The following GRIK4 variants were observed in gnomAD, a reference collection of about 807,000 sequenced individuals.
The protein encoded by GRIK4 is glutamate ionotropic receptor kainate type subunit 4.
In GRIK4, 40 loss-of-function variants were observed where a neutral mutation model predicts 104.9. That is an observed-to-expected ratio of 0.38 (90% CI 0.30 to 0.50). GRIK4 has a LOEUF of 0.50. Ranked by LOEUF, GRIK4 falls within the 20% of genes least tolerant of loss-of-function variation. GRIK4 has a pLI of 0.93. For missense variants in GRIK4, 1,047 were observed against 1,308.1 expected, an observed-to-expected ratio of 0.80 and a Z score of 3.08; for synonymous variants, 485 against 524.9, an observed-to-expected ratio of 0.92 and a Z score of 1.04.
chr11:120,514,943 TCA>T (rs1417854103), intron 1 of GRIK4: 9 of 456,256 alleles, frequency 2.0e-5, no homozygotes, highest in Non-Finnish European at 3.5e-5. Flanking sequence ...GCCTCCAGCC[TCA>T]GTTTCCAGCC....
rs201882488 is a variant in GRIK4, at chr11:120,641,930, G to A, written c.-158-11755G>A. ...CTTTGGCTGATTCCAACATTGTTTG[G>A]GTCTCAAATGTTCTTTCTTCTGAGG... On this transcript the variant is annotated intron_variant, in intron 1 of 20. Coordinates refer to ENST00000527524, the MANE Select transcript of GRIK4 (RefSeq NM_014619.5). Among the ~76,000 whole-genome samples, 17 of 152,188 alleles carry A rather than the reference G, an allele frequency of 1.1e-4. No homozygotes were observed. The East Asian group carries it at 3.1e-3, about 28-fold the overall frequency.
intron 8 of GRIK4, among the ~76,000 whole-genome samples, chr11:120,856,555 G>A (rs1954109890): frequency 6.6e-6 from 1 of 152,174 alleles, no homozygotes; most frequent in South Asian, 2.1e-4. Flanking sequence ...GACTGGGTGT[G>A]GAGTTAAGAA....
chr11:120,711,235 A>G (rs1394102501), intron 3 of GRIK4, among the ~76,000 whole-genome samples: 1 of 152,222 alleles, frequency 6.6e-6, no homozygotes, highest in Non-Finnish European at 1.5e-5. Flanking sequence ...TGTTCCTTTT[A>G]AGGGCAACAG....
chr11:120,772,338 T>TACA (rs1197266523), intron 3 of GRIK4, among the ~76,000 whole-genome samples: 1 of 152,154 alleles, frequency 6.6e-6, no homozygotes, highest in African/African-American at 2.4e-5. Context: ...AGCCAGTATA[T>TACA]TAGATGTCTA....
chr11:120,633,910 T>C (rs1241121620), intron 1 of GRIK4, among the ~76,000 whole-genome samples: 1 of 152,152 alleles, frequency 6.6e-6, no homozygotes, highest in Non-Finnish European at 1.5e-5. Flanking sequence ...TCTGAGCTGA[T>C]GCAAACTGAA....
intron 7 of GRIK4, among the ~76,000 whole-genome samples, chr11:120,832,295 A>G (rs1458560374): frequency 1.3e-5 from 2 of 152,166 alleles, no homozygotes; most frequent in Non-Finnish European, 2.9e-5. Context: ...AGACCCTGCT[A>G]AGGGCTCTGT....
At chr11:120,954,104 G>A (rs562217121) in intron 15 of GRIK4, among the ~76,000 whole-genome samples, 1 of 152,094 alleles carries the variant, frequency 6.6e-6, no homozygotes, top group South Asian at 2.1e-4. Flanking sequence ...GGATGGAGCT[G>A]CCGCATGGTA....
chr11:120,580,286 A>AT (rs149309804), intron 1 of GRIK4, among the ~76,000 whole-genome samples: 10,399 of 82,474 alleles, frequency 0.13, 1,397 homozygotes, highest in African/African-American at 0.41. Context: ...TTCTTTATTT[A>AT]TTTTTTTGAG....
chr11:120,697,934 A>T (rs1591813846), intron 3 of GRIK4, among the ~76,000 whole-genome samples: 1 of 151,522 alleles, frequency 6.6e-6, no homozygotes, highest in South Asian at 2.1e-4. Context: ...ACTGCTCCTT[A>T]CCTCCTCCTG....
intron 13 of GRIK4, among the ~76,000 whole-genome samples, chr11:120,932,344 A>G (rs1471926225): frequency 1.3e-5 from 2 of 152,046 alleles, no homozygotes; most frequent in African/African-American, 4.8e-5. Context: ...AGAGGAGGAA[A>G]CAGGCGGGGA....
intron 3 of GRIK4, among the ~76,000 whole-genome samples, chr11:120,706,697 GCAGTA>G (rs1950635951): frequency 6.6e-6 from 1 of 152,200 alleles, no homozygotes. Flanking sequence ...TCTGCTGCAT[GCAGTA>G]TCAAAGCAAT....
At chr11:120,559,042 C>G (rs1302182047) in intron 1 of GRIK4, among the ~76,000 whole-genome samples, 1 of 152,176 alleles carries the variant, frequency 6.6e-6, no homozygotes, top group East Asian at 1.9e-4. Context: ...AGGACCAGGC[C>G]AAGGGAGATG....
intron 11 of GRIK4, among the ~76,000 whole-genome samples, chr11:120,882,871 A>C (rs938894877): frequency 6.6e-6 from 1 of 152,190 alleles, no homozygotes; most frequent in Non-Finnish European, 1.5e-5. Flanking sequence ...GCAATACCAG[A>C]TGCTGTGATG....
intron 6 of GRIK4, among the ~76,000 whole-genome samples, chr11:120,827,238 C>T (rs1475622232): frequency 6.6e-6 from 1 of 152,206 alleles, no homozygotes; most frequent in African/African-American, 2.4e-5. Flanking sequence ...TGTCCTGCGG[C>T]TGTGTCCACC....
chr11:120,825,519 C>T (rs978305815), intron 6 of GRIK4, among the ~76,000 whole-genome samples: 3 of 152,220 alleles, frequency 2.0e-5, no homozygotes, highest in African/African-American at 7.2e-5. Context: ...GACCTGGGAG[C>T]AAGAGTCAGC....
intron 1 of GRIK4, among the ~76,000 whole-genome samples, chr11:120,635,522 C>T (rs544053434): frequency 6.6e-6 from 1 of 152,206 alleles, no homozygotes; most frequent in African/African-American, 2.4e-5. Context: ...TGAGTTAAAG[C>T]GATTCTGCTT....
At chr11:120,847,087 GCTAATGT>G (rs1261638957) in intron 8 of GRIK4, among the ~76,000 whole-genome samples, 2 of 152,222 alleles carry the variant, frequency 1.3e-5, no homozygotes, top group Non-Finnish European at 2.9e-5. Context: ...GTGCCAAGGT[GCTAATGT>G]CCATGACAAC....
chr11:120,645,638 T>C (rs1949533121), intron 1 of GRIK4, among the ~76,000 whole-genome samples: 1 of 152,128 alleles, frequency 6.6e-6, no homozygotes, highest in South Asian at 2.1e-4. Flanking sequence ...CTGTGCATGG[T>C]TGGTGTAGGT....
At chr11:120,776,329 T>C (rs1414106487) in intron 3 of GRIK4, among the ~76,000 whole-genome samples, 1 of 152,188 alleles carries the variant, frequency 6.6e-6, no homozygotes, top group Non-Finnish European at 1.5e-5. Context: ...GTGTCTGCCC[T>C]CGCTCAGAGG....
Sources: gnomAD v4.1 joint callset for allele counts (sites outside exome capture counted in the v4.1 genomes callset) on GRCh38, gnomAD v4.1.1 for gene constraint, MANE v1.5 for transcripts, NCBI Gene and HGNC (gene_info 2026-07-23, HGNC 2026-07-21) for gene names.